The following VASH2 variants were observed in gnomAD, a reference collection of about 807,000 sequenced individuals.
VASH2 encodes the protein vasohibin 2.
In VASH2, 28 loss-of-function variants were observed where a neutral mutation model predicts 37.2. The ratio of observed to expected loss-of-function variants is 0.75; its 90% CI spans 0.56 to 1.03. The LOEUF (loss-of-function observed/expected upper bound fraction) is 1.03, where lower values mean the gene tolerates loss of function less well. Ranked by LOEUF, VASH2 falls within the 50% of genes least tolerant of loss-of-function variation. VASH2 has a pLI of 0.00. For synonymous variants in VASH2, 188 were observed against 174.7 expected (o/e 1.08, Z -0.60); for missense variants, 419 against 459.1 (o/e 0.91, Z 0.80).
At chr1:212,967,152 T>A (rs1666876874) in intron 5 of VASH2, 1 of 1,304,358 alleles carries the variant, frequency 7.7e-7, no homozygotes, top group Admixed American at 2.3e-5. Context: ...TCTCCCACAC[T>A]TTCTGTTCCA....
intron 6 of VASH2, 185 bp from the exon 7 acceptor site, chr1:212,973,770 G>A: frequency 1.4e-6 from 2 of 1,380,776 alleles, no homozygotes; most frequent in Non-Finnish European, 1.9e-6. Flanking sequence ...CTTGCTGCTT[G>A]ACAGTACAGG....
chr1:212,974,077 A>T lies in VASH2; in HGVS notation c.995+7A>T, dbSNP rs752988464. 1.2e-6 allele frequency: 2 copies of T among 1,607,682 alleles called. No homozygotes were observed. Among genetic ancestry groups the T allele is most frequent in the African/African-American group, 2.7e-5 (2 of 74,768 alleles). ...TCGGCCGGCGAGAGAAGTCGTGAGT[A>T]ATATTTCCTCTTCCCCAACTCAAAG... On this transcript the variant is annotated splice_region_variant and intron_variant, in intron 7 of 7. Transcript: ENST00000517399.
chr1:212,967,017 T>C (rs2102636437), intron 5 of VASH2: 1 of 996,874 alleles, frequency 1.0e-6, no homozygotes, highest in Non-Finnish European at 1.4e-6. Context: ...AGTGTTGAGA[T>C]TAGAGGCAGG....
At chr1:212,982,504 C>T (rs1667367321) in intron 7 of VASH2, among the ~76,000 whole-genome samples, 1 of 152,044 alleles carries the variant, frequency 6.6e-6, no homozygotes, top group Non-Finnish European at 1.5e-5. Context: ...AAAAATAAAC[C>T]CCCTTGCAAT....
intron 2 of VASH2, among the ~76,000 whole-genome samples, chr1:212,957,731 C>T (rs1200717870): frequency 6.6e-6 from 1 of 151,928 alleles, no homozygotes; most frequent in Non-Finnish European, 1.5e-5. Flanking sequence ...CTGCCTCAGC[C>T]TGCCAAGTAG....
intron 2 of VASH2, among the ~76,000 whole-genome samples, chr1:212,958,176 G>T (rs1666553876): frequency 6.6e-6 from 1 of 152,184 alleles, no homozygotes; most frequent in African/African-American, 2.4e-5. Context: ...CAGTGGGAAC[G>T]TTGGGAGCCC....
rs182529964 is a variant in VASH2, at chr1:212,970,759, G to A, written c.498-1821G>A. Among the ~76,000 whole-genome samples, 10 of 152,036 alleles carry A rather than the reference G, an allele frequency of 6.6e-5. 1 individual carries two copies. The highest frequency in any genetic ancestry group is 2.4e-4 in the African/African-American group (10 of 41,484). On this transcript the variant is annotated intron_variant, in intron 5 of 7. Transcript: ENST00000517399. Reference sequence around the variant, plus strand: ...ACAAAAATTAGCCAGGTATGGTGGCGGGTGCCTGTAATTCCAGCTACTCAG... The same window carrying A: ...ACAAAAATTAGCCAGGTATGGTGGCAGGTGCCTGTAATTCCAGCTACTCAG...
chr1:212,955,462 CTT>C (rs928293399), intron 2 of VASH2, among the ~76,000 whole-genome samples: 1 of 152,148 alleles, frequency 6.6e-6, no homozygotes, highest in African/African-American at 2.4e-5. Context: ...TTCAGAAAGA[CTT>C]TAAGGAAACA....
intron 2 of VASH2, among the ~76,000 whole-genome samples, chr1:212,958,278 T>C (rs1666556597): frequency 6.6e-6 from 1 of 152,168 alleles, no homozygotes; most frequent in African/African-American, 2.4e-5. Flanking sequence ...TCATTCCCTC[T>C]GTGGTCTCTG....
chr1:212,985,924 T>C (rs1302991647), intron 7 of VASH2, among the ~76,000 whole-genome samples: 1 of 152,208 alleles, frequency 6.6e-6, no homozygotes, highest in Non-Finnish European at 1.5e-5. Context: ...CTGGAAGATG[T>C]ACTTTGTATT....
At chr1:212,966,388 C>T (rs552492497) in intron 5 of VASH2, 43 bp downstream of exon 5, 28 of 1,508,860 alleles carry the variant, frequency 1.9e-5, no homozygotes, top group South Asian at 1.7e-4. Flanking sequence ...CCATAAATGG[C>T]GGCTTCACAA....
rs145114432 is a variant in VASH2 at position 212,963,120 on chromosome 1, T to A, written c.365+1866T>A. ...TGCATTGATGGGGCAAATTTGCATG[T>A]GCTTTACATATCATTTGCTCACACT... On this transcript the variant is annotated intron_variant, in intron 3 of 7. Coordinates refer to ENST00000517399, the MANE Select transcript of VASH2 (RefSeq NM_001301056.2). Among the ~76,000 whole-genome samples, 590 of 152,378 alleles carry A rather than the reference T, an allele frequency of 3.9e-3. 3 individuals are homozygous for A. Among genetic ancestry groups the A allele is most frequent in the Middle Eastern group, 6.8e-3 (2 of 294 alleles).
At chr1:212,965,621 C>A in intron 3 of VASH2, 101 bp from the exon 4 acceptor site, 1 of 1,133,020 alleles carries the variant, frequency 8.8e-7, no homozygotes, top group Non-Finnish European at 1.3e-6. Context: ...AAAGCCCTCA[C>A]ATCCTCATCT....
Position 212,990,832 on chromosome 1 carries a change from C to A in VASH2, c.*2248C>A, listed in dbSNP as rs941226856. 3.3e-4 allele frequency: 50 copies of A among 151,908 alleles called. No homozygotes were observed. Among genetic ancestry groups the A allele is most frequent in the African/African-American group, 1.1e-3 (46 of 41,286 alleles). The allele number at this position is 151,908 out of a possible 1,614,324, so 9.4% of individuals were successfully genotyped here. A position where few individuals can be genotyped will look rare whatever the true frequency, so the allele number is the denominator to read the frequency against. ...CTTAGTTGTCATCCTACTTTTATTGCCTATGGAATATGCTAATTTCTAAAA... is the reference window on the plus strand; with the variant it reads ...CTTAGTTGTCATCCTACTTTTATTGACTATGGAATATGCTAATTTCTAAAA... On this transcript the variant is annotated 3_prime_UTR_variant, in exon 8 of 8. Transcript: ENST00000517399.
chr1:212,959,202 A>G (rs574758835), intron 2 of VASH2, among the ~76,000 whole-genome samples: 12 of 152,338 alleles, frequency 7.9e-5, no homozygotes, highest in Admixed American at 5.9e-4. Context: ...CATTTTTTAC[A>G]TAGAACACTT....
intron 2 of VASH2, among the ~76,000 whole-genome samples, chr1:212,960,669 C>T (rs947052499): frequency 1.3e-5 from 2 of 152,216 alleles, no homozygotes; most frequent in Admixed American, 1.3e-4. Flanking sequence ...GGATTACAGG[C>T]GTGAGCCATG....
intron 7 of VASH2, among the ~76,000 whole-genome samples, chr1:212,977,921 A>G (rs1325611100): frequency 6.6e-6 from 1 of 152,240 alleles, no homozygotes; most frequent in African/African-American, 2.4e-5. Context: ...TTGATGAATC[A>G]GAATGGGAAA....
At position 212,951,626 on chromosome 1, in the gene VASH2, GC is replaced by G; in HGVS notation, c.87del (p.Val30Ter). 1 of 1,568,626 alleles carries G rather than the reference GC, an allele frequency of 6.4e-7. No homozygotes were observed. Among genetic ancestry groups the G allele is most frequent in the Non-Finnish European group, 8.6e-7 (1 of 1,157,122 alleles). ...GTRSRSSHAR[P>X]VSLATSGGSE... ...CCCGGTCCCGGAGCAGCCACGCGCG[GC>G]CCGTGAGCCTCGCCACCAGCGGGGG... On this transcript the variant is annotated frameshift_variant, in exon 2 of 8. Transcript: ENST00000517399. LOFTEE classifies it high-confidence loss of function. This position sits in a 1 kb window ranked among gnomAD's most constrained non-coding sequence, Gnocchi z 4.4.
At chr1:212,952,881 G>C (rs1305526069) in intron 2 of VASH2, 1 of 152,196 alleles carries the variant, frequency 6.6e-6, no homozygotes, top group Non-Finnish European at 1.5e-5. Context: ...TTGGAGAAGT[G>C]ACAGAGCCTC....
Sources: gnomAD v4.1 joint callset for allele counts (sites outside exome capture counted in the v4.1 genomes callset) on GRCh38, gnomAD v4.1.1 for gene constraint, Gnocchi (gnomAD v3.1) non-coding constraint, MANE v1.5 for transcripts, NCBI Gene and HGNC (gene_info 2026-07-23, HGNC 2026-07-21) for gene names.